ABCC6: variants seen among roughly 807,000 people sequenced by gnomAD.
The protein encoded by ABCC6 is ATP binding cassette subfamily C member 6, also known as ATP-binding cassette sub-family C member 6.
Under a neutral mutation model 169.5 loss-of-function variants are expected in ABCC6, and 126 were observed. The ratio of observed to expected loss-of-function variants is 0.74; its 90% confidence interval spans 0.64 to 0.86. The LOEUF is 0.86. ABCC6 is among the 40% of genes least tolerant of loss of function. ABCC6 has a pLI of 0.00. For synonymous variants in ABCC6, 752 were observed against 814.7 expected, an observed-to-expected ratio of 0.92 and a Z score of 1.31; for missense variants, 1,733 against 1,927.2, an observed-to-expected ratio of 0.90 and a Z score of 1.89.
chr16:16,200,885 G>A (rs138087831), intron 9 of ABCC6, among the ~76,000 whole-genome samples: 4,440 of 151,760 alleles, frequency 0.029, 217 homozygotes, highest in African/African-American at 0.1. Context: ...ACAGAGAGAA[G>A]TCTAAAGCTA....
At chr16:16,195,693 C>G (rs1328234247) in intron 10 of ABCC6, among the ~76,000 whole-genome samples, 1 of 151,868 alleles carries the variant, frequency 6.6e-6, no homozygotes, top group Non-Finnish European at 1.5e-5. Context: ...CTCTCTCCCT[C>G]TCTTTCTTCC....
At chr16:16,171,765 GTGGGATAGATGGATAAATGAGTGGA>G (rs1295080872) in intron 21 of ABCC6, among the ~76,000 whole-genome samples, 6 of 152,088 alleles carry the variant, frequency 3.9e-5, no homozygotes, top group Non-Finnish European at 8.8e-5. Context: ...AAATGAGTGG[GTGGGATAGATGGATAAATGAGTGGA>G]TGGGATGGAC....
chr16:16,208,728 C>T lies in ABCC6; in HGVS notation c.794G>A (p.Arg265Lys), dbSNP rs760880587. 1 of 1,613,450 alleles carries T rather than the reference C, an allele frequency of 6.2e-7. No homozygotes were observed. The highest frequency in any genetic ancestry group is 8.5e-7 in the Non-Finnish European group (1 of 1,179,518). Residue 265 changes from arginine (R) to lysine (K), a missense_variant and splice_region_variant, in exon 7 of 31, where the codon AGG (arginine) becomes AAG (lysine). Arg to Lys is a conservative substitution (Grantham distance 26). Coordinates refer to ENST00000205557, the MANE Select transcript of ABCC6 (RefSeq NM_001171.6). ...EWMRNRSAAR[R>K]HNKAIAFKRK... ...GAGTTCTTGACCTCCACCCACTTAC[C>T]TCCGGGCTGCACTGCGGTTCCTCAT...
At chr16:16,183,032 T>C in intron 15 of ABCC6, 102 bp from the exon 16 acceptor site, 1 of 1,561,962 alleles carries the variant, frequency 6.4e-7, no homozygotes, top group Non-Finnish European at 8.8e-7. Flanking sequence ...GCTCTGGGAG[T>C]CTCCAAGAGG....
Position 16,219,901 on chromosome 16 carries a change from A to T in ABCC6, c.266T>A (p.Val89Asp), listed in dbSNP as rs1159736192. 6.8e-6 allele frequency: 10 copies of T among 1,464,938 alleles called. No individual in the cohort carries two copies. The highest frequency in any genetic ancestry group is 9.4e-6 in the Non-Finnish European group (10 of 1,069,480). The allele number at this position is 1,464,938 out of a possible 1,614,324, so 90.7% of individuals were successfully genotyped here. A position where few individuals can be genotyped will look rare whatever the true frequency, so the allele number is the denominator to read the frequency against. Residue 89 changes from valine (V) to aspartate (D), a missense_variant, in exon 3 of 31, where the codon GTC becomes GAC. By Grantham distance (152) the Val-to-Asp change is radical. Coordinates refer to ENST00000205557, the MANE Select transcript of ABCC6 (RefSeq NM_001171.6). ...TCCCTGTTGGATTTTCCAAAGAGCG[A>T]CAGCCACGCTGGAGGTACACAGGAC... ...LIVLCTSSVA[V>D]ALWKIQQGTP...
chr16:16,173,086 G>C (rs1287674242), intron 21 of ABCC6, 198 bp downstream of exon 21: 9 of 670,548 alleles, frequency 1.3e-5, no homozygotes, highest in Non-Finnish European at 2.2e-5. Flanking sequence ...GTTTCTTTAT[G>C]TCTGAAATAG....
At position 16,161,506 on chromosome 16, in the gene ABCC6, A is replaced by G. The variant is rs918539450; in HGVS notation, c.3565T>C (p.Cys1189Arg). The G allele has an allele frequency of 3.1e-6, 5 of 1,613,858 alleles. No individual in the cohort carries two copies. The African/African-American group carries it at 6.7e-5, about 22-fold the overall frequency. Residue 1189 changes from cysteine (C) to arginine (R), a missense_variant, in exon 25 of 31, where the codon TGT becomes CGT. Transcript: ENST00000205557. ...GNGLVFAAATCAVLSKAHLSA... is the reference protein window; with the variant it reads ...GNGLVFAAATRAVLSKAHLSA... ...AGGTGGGCTTTGCTCAGCACAGCAC[A>G]CGTGGCAGCTGCAAACACCAGGCCA...
intron 29 of ABCC6, among the ~76,000 whole-genome samples, chr16:16,153,619 A>C (rs890916930): frequency 1.6e-4 from 24 of 152,104 alleles, no homozygotes; most frequent in Non-Finnish European, 3.2e-4. Context: ...TACAGAAACT[A>C]TACACTGAAA....
chr16:16,180,912 T>C (rs2047445185), intron 17 of ABCC6, among the ~76,000 whole-genome samples: 1 of 152,196 alleles, frequency 6.6e-6, no homozygotes, highest in Non-Finnish European at 1.5e-5. Context: ...GCTCTCTTAA[T>C]GGATCCATCA....
chr16:16,175,769 G>A, intron 20 of ABCC6, 142 bp downstream of exon 20: 2 of 842,478 alleles, frequency 2.4e-6, no homozygotes, highest in Non-Finnish European at 3.5e-6. Flanking sequence ...CCCTCAGCAG[G>A]GCACCATGGG....
In ABCC6 at chr16:16,182,540, C is replaced by T. The variant is rs372121585; in HGVS notation, c.2119G>A (p.Val707Met). The T allele has an allele frequency of 1.1e-5, 17 of 1,614,002 alleles. No homozygotes were observed. The African/African-American group carries it at 2.0e-4, about 19-fold the overall frequency. Residue 707 changes from valine to methionine, a missense_variant, in exon 17 of 31, where the codon GTG (valine) becomes ATG (methionine). Around this residue, in one of 5 missense-constraint regions of ABCC6, gnomAD observed 1,601 missense variants for 1,635.5 expected, o/e 0.98. Coordinates refer to ENST00000205557, the MANE Select transcript of ABCC6 (RefSeq NM_001171.6). ...TGCCCGAAGCACACATTCTCTACCACAGAGGTGTTCTGCACCCAGGCCTCC... is the reference window on the plus strand; with the variant it reads ...TGCCCGAAGCACACATTCTCTACCATAGAGGTGTTCTGCACCCAGGCCTCC... ...PQEAWVQNTS[V>M]VENVCFGQEL...
rs1375493233 is a variant in ABCC6 at position 16,190,290 on chromosome 16, G to C, written c.1509C>G (p.Phe503Leu). ...SILRNSKTIKFHGWEGAFLDR... is the reference protein window; with the variant it reads ...SILRNSKTIKLHGWEGAFLDR... The stretch of plus-strand genomic sequence containing the variant: ...CCAGAAAGGCTCCCTCCCAGCCATG[G>C]AACTTGATGGTCTTCGAGTTCCTGA... The change falls in exon 12 of 31, where the codon TTC becomes TTG. Residue 503 changes from phenylalanine (F) to leucine (L), a missense_variant. Physicochemically the swap from Phe to Leu is conservative, Grantham distance 22 (BLOSUM62 0). Transcript: ENST00000205557. 5.6e-6 allele frequency: 9 copies of C among 1,614,180 alleles called. No homozygotes were observed. The highest frequency in any genetic ancestry group is 6.8e-6 in the Non-Finnish European group (8 of 1,180,038).
intron 14 of ABCC6, among the ~76,000 whole-genome samples, chr16:16,186,869 T>TA (rs1435875561): frequency 6.6e-6 from 1 of 152,120 alleles, no homozygotes; most frequent in Admixed American, 6.5e-5. Context: ...ACCACTGTGT[T>TA]AGAGTGTTCC....
Position 16,188,841 on chromosome 16 carries a change from G to A in ABCC6, c.1769C>T (p.Ser590Phe), listed in dbSNP as rs537233133. 7.2e-5 allele frequency: 117 copies of A among 1,613,896 alleles called. 2 individuals are homozygous for A. In the South Asian group the frequency reaches 1.2e-3, roughly 17 times the overall value. The change falls in exon 13 of 31, where the codon TCC becomes TTC. Residue 590 changes from serine (S) to phenylalanine (F), a missense_variant. Physicochemically the swap from Ser to Phe is radical, Grantham distance 155 (BLOSUM62 -2). This residue lies in a region of ABCC6 where 1,601 missense variants were observed against 1,635.5 expected (regional missense o/e 0.98). Transcript: ENST00000205557. Reference protein sequence around the residue: ...AQAFLPFSIHSLVQARVSFDR... With the variant: ...AQAFLPFSIHFLVQARVSFDR... Reference sequence around the variant, plus strand: ...TTGCACCCACCTCACCTGGACGAGGGAGTGGATGGAGAAGGGCAGGAAAGC... The same window carrying A: ...TTGCACCCACCTCACCTGGACGAGGAAGTGGATGGAGAAGGGCAGGAAAGC...
At chr16:16,191,558 A>G (rs2047854133) in intron 11 of ABCC6, among the ~76,000 whole-genome samples, 1 of 144,086 alleles carries the variant, frequency 6.9e-6, no homozygotes, top group Non-Finnish European at 1.5e-5. Context: ...TCCATCCCCC[A>G]TCTCTCCCTC....
intron 22 of ABCC6, among the ~76,000 whole-genome samples, chr16:16,168,317 C>CTGA (rs1567482592): frequency 5.7e-4 from 70 of 122,242 alleles, no homozygotes; most frequent in Admixed American, 1.0e-3. Context: ...ACGGCGAAAC[C>CTGA]GTCTCTATCA....
At chr16:16,208,127 A>C (rs893355976) in intron 7 of ABCC6, among the ~76,000 whole-genome samples, 2 of 152,134 alleles carry the variant, frequency 1.3e-5, no homozygotes, top group African/African-American at 4.8e-5. Flanking sequence ...CCCCGGCCTT[A>C]AAATACCTCT....
rs764252924 is a variant in ABCC6, at chr16:16,196,082, C to T, written c.1338+1939G>A. ...AAAATTAGCCAGATGTTGTGGTGCA[C>T]GCCTGTAATCCCAGCTACTCAGGAG... On this transcript the variant is annotated intron_variant, in intron 10 of 30. Coordinates refer to ENST00000205557, the MANE Select transcript of ABCC6 (RefSeq NM_001171.6). Among the ~76,000 whole-genome samples the T allele has an allele frequency of 1.4e-4, 21 of 151,814 alleles. 1 individual carries two copies. The South Asian group carries it at 1.7e-3, about 12-fold the overall frequency.
intron 11 of ABCC6, among the ~76,000 whole-genome samples, chr16:16,192,415 C>T (rs766730254): frequency 2.0e-5 from 3 of 152,116 alleles, no homozygotes; most frequent in Non-Finnish European, 4.4e-5. Flanking sequence ...CATAGGTCTC[C>T]TCTGGCTGGG....
Sources: allele counts gnomAD v4.1 joint callset (sites outside exome capture counted in the v4.1 genomes callset), GRCh38; gene constraint gnomAD v4.1.1; regional missense constraint gnomAD v4.1.1; transcripts MANE v1.5; gene names NCBI Gene and HGNC (gene_info 2026-07-23, HGNC 2026-07-21).